EIF2B3: variants seen among roughly 807,000 people sequenced by gnomAD.
EIF2B3 encodes the protein eukaryotic translation initiation factor 2B subunit gamma.
Under a neutral mutation model 54.1 loss-of-function variants are expected in EIF2B3, and 20 were observed. That is an observed-to-expected ratio of 0.37 (90% CI 0.26 to 0.54). The LOEUF is 0.54. Ranked by LOEUF, EIF2B3 falls within the 20% of genes least tolerant of loss-of-function variation. EIF2B3 has a pLI of 0.86. For synonymous variants in EIF2B3, 153 were observed against 188.1 expected (o/e 0.81, Z 1.52); for missense variants, 448 against 547.8 (o/e 0.82, Z 1.82).
intron 1 of EIF2B3, among the ~76,000 whole-genome samples, chr1:44,983,441 A>G (rs1448545521): frequency 6.6e-6 from 1 of 152,272 alleles, no homozygotes; most frequent in Non-Finnish European, 1.5e-5. Flanking sequence ...AGGCTCCTGC[A>G]TAACATTCAC....
intron 10 of EIF2B3, among the ~76,000 whole-genome samples, chr1:44,868,160 A>T (rs1654841358): frequency 6.6e-6 from 1 of 152,094 alleles, no homozygotes; most frequent in Admixed American, 6.6e-5. Context: ...GTACTTTGGG[A>T]GGCCGAGGCG....
At chr1:44,897,574 T>G (rs1656014778) in intron 5 of EIF2B3, 130 bp from the exon 6 acceptor site, 2 of 746,580 alleles carry the variant, frequency 2.7e-6, no homozygotes, top group African/African-American at 3.5e-5. Context: ...CTACATCTCT[T>G]TCTGGGGAGA....
intron 3 of EIF2B3, among the ~76,000 whole-genome samples, chr1:44,943,243 G>A (rs565026585): frequency 1.3e-5 from 2 of 148,874 alleles, no homozygotes; most frequent in Non-Finnish European, 3.0e-5. Flanking sequence ...GTCCAGGTTG[G>A]TCTTGAACTG....
chr1:44,908,444 T>C (rs1643455111), intron 5 of EIF2B3, among the ~76,000 whole-genome samples: 1 of 152,192 alleles, frequency 6.6e-6, no homozygotes, highest in Non-Finnish European at 1.5e-5. Context: ...AATAAGTTCT[T>C]AGCCAGGGAG....
At chr1:44,974,219 A>AT (rs1202639631) in intron 3 of EIF2B3, among the ~76,000 whole-genome samples, 1 of 151,318 alleles carries the variant, frequency 6.6e-6, no homozygotes, top group East Asian at 1.9e-4. Context: ...CATGCCTGTA[A>AT]TCACAGCATT....
chr1:44,977,991 G>A (rs1644469912), intron 3 of EIF2B3, among the ~76,000 whole-genome samples: 1 of 152,142 alleles, frequency 6.6e-6, no homozygotes, highest in African/African-American at 2.4e-5. Context: ...TGTAATCCCA[G>A]CACTTTGGAA....
At chr1:44,938,301 G>GAA (rs1643979584) in intron 4 of EIF2B3, among the ~76,000 whole-genome samples, 2 of 152,126 alleles carry the variant, frequency 1.3e-5, no homozygotes, top group African/African-American at 2.4e-5. Context: ...GTGAATCTTA[G>GAA]CCTTCAAATG....
intron 4 of EIF2B3, among the ~76,000 whole-genome samples, chr1:44,935,046 A>G (rs1643933104): frequency 1.3e-5 from 2 of 152,248 alleles, no homozygotes. Context: ...AAGTACATTA[A>G]CATGTACTGA....
At chr1:44,971,741 G>GA (rs919258491) in intron 3 of EIF2B3, among the ~76,000 whole-genome samples, 1 of 152,036 alleles carries the variant, frequency 6.6e-6, no homozygotes. Flanking sequence ...CTACTATTAA[G>GA]AAAAAAATAG....
At chr1:44,905,764 A>C (rs1458814531) in intron 5 of EIF2B3, among the ~76,000 whole-genome samples, 1 of 152,236 alleles carries the variant, frequency 6.6e-6, no homozygotes, top group Non-Finnish European at 1.5e-5. Flanking sequence ...TACCTTCATA[A>C]CAACACCTAG....
Position 44,947,742 on chromosome 1 carries a change from G to A in EIF2B3, c.295-6077C>T, listed in dbSNP as rs567019665. On this transcript the variant is annotated intron_variant, in intron 3 of 11. Coordinates refer to ENST00000360403, the MANE Select transcript of EIF2B3 (RefSeq NM_020365.5). ...TGGCTATGATCCAAATCACCAGCCT[G>A]CATGCCACCCCTGCCCATATGGAAC... Among the ~76,000 whole-genome samples, 11 of 152,254 alleles carry A rather than the reference G, an allele frequency of 7.2e-5. No homozygotes were observed. The South Asian group carries it at 2.3e-3, about 32-fold the overall frequency.
intron 4 of EIF2B3, chr1:44,932,397 A>C (rs1424840453): frequency 6.6e-6 from 1 of 152,210 alleles, no homozygotes; most frequent in East Asian, 1.9e-4. Flanking sequence ...TAGTACTTGC[A>C]TGGAAGTCTG....
chr1:44,924,579 G>A (rs1217302257), intron 5 of EIF2B3, among the ~76,000 whole-genome samples: 2 of 151,676 alleles, frequency 1.3e-5, no homozygotes, highest in East Asian at 3.9e-4. Context: ...GTAGAGACGG[G>A]GTTTCACTGT....
intron 10 of EIF2B3, among the ~76,000 whole-genome samples, chr1:44,866,210 A>G (rs1307579658): frequency 5.9e-5 from 9 of 152,116 alleles, no homozygotes; most frequent in Non-Finnish European, 2.9e-5. Flanking sequence ...CAGCCTGGCC[A>G]GCATGGAGAA....
At chr1:44,853,356 A>G (rs1183884535) in intron 11 of EIF2B3, among the ~76,000 whole-genome samples, 1 of 152,070 alleles carries the variant, frequency 6.6e-6, no homozygotes. Flanking sequence ...CGCTCCTGCA[A>G]TCCAGCACTT....
chr1:44,888,361 C>T (rs561292755), intron 6 of EIF2B3, among the ~76,000 whole-genome samples: 6 of 152,152 alleles, frequency 3.9e-5, no homozygotes, highest in Admixed American at 6.5e-5. Flanking sequence ...GCCCCAGGAG[C>T]GATGGTGTGG....
At chr1:44,959,674 T>C (rs1395455975) in intron 3 of EIF2B3, among the ~76,000 whole-genome samples, 1 of 152,228 alleles carries the variant, frequency 6.6e-6, no homozygotes, top group Non-Finnish European at 1.5e-5. Flanking sequence ...TCTGAAGTTG[T>C]CATCAAATTA....
At chr1:44,978,235 A>G in intron 3 of EIF2B3, 80 bp downstream of exon 3, 1 of 1,560,120 alleles carries the variant, frequency 6.4e-7, no homozygotes, top group Non-Finnish European at 8.8e-7. Context: ...TGTCTCAAAA[A>G]AAAGACTATA....
At chr1:44,876,149 C>CCGGCT (rs1356588694) in intron 8 of EIF2B3, among the ~76,000 whole-genome samples, 1 of 152,134 alleles carries the variant, frequency 6.6e-6, no homozygotes, top group African/African-American at 2.4e-5. Flanking sequence ...ACCTCCCAGC[C>CCGGCT]GCCTGCCTTG....
Sources: gnomAD v4.1 joint callset for allele counts (sites outside exome capture counted in the v4.1 genomes callset) on GRCh38, gnomAD v4.1.1 for gene constraint, MANE v1.5 for transcripts, NCBI Gene and HGNC (gene_info 2026-07-23, HGNC 2026-07-21) for gene names.